The following FAM219A variants were observed in gnomAD, a reference collection of about 807,000 sequenced individuals.
FAM219A encodes family with sequence similarity 219 member A.
In FAM219A, 7 loss-of-function variants were observed where a neutral mutation model predicts 23.4. The ratio of observed to expected loss-of-function variants is 0.30; its 90% CI spans 0.17 to 0.56. The LOEUF (loss-of-function observed/expected upper bound fraction) is 0.56, where lower values mean the gene tolerates loss of function less well. Ranked by LOEUF, FAM219A falls within the 20% of genes least tolerant of loss-of-function variation. The probability of loss-of-function intolerance (pLI) is 0.92; values close to 1 mark genes in which losing one functional copy is unlikely to be tolerated. For synonymous variants in FAM219A, 93 were observed against 99.0 expected, an observed-to-expected ratio of 0.94 and a Z score of 0.36; for missense variants, 166 against 246.9, an observed-to-expected ratio of 0.67 and a Z score of 2.20.
chr9:34,430,636 C>CAAAAAAAAA (rs757627612), intron 1 of FAM219A, among the ~76,000 whole-genome samples: 20 of 56,268 alleles, frequency 3.6e-4, no homozygotes, highest in African/African-American at 1.3e-3. Flanking sequence ...GACTCCGTCT[C>CAAAAAAAAA]AAAAAAAAAA....
At chr9:34,421,005 T>TGAGAGAGA (rs1413300702) in intron 1 of FAM219A, among the ~76,000 whole-genome samples, 100 of 41,468 alleles carry the variant, frequency 2.4e-3, no homozygotes, top group Middle Eastern at 0.015. Context: ...TGTGTGTGTG[T>TGAGAGAGA]GTGTGAGAGA....
rs757554867 is a variant in FAM219A, at chr9:34,400,739, C to T, written c.*225G>A. On this transcript the variant is annotated 3_prime_UTR_variant, in exon 6 of 6. Coordinates refer to ENST00000651358, the MANE Select transcript of FAM219A (RefSeq NM_001184940.2). ...AACTGAACAAACGGCCCCCACCCCT[C>T]CTCAGCTCCCGGGTGGAGAGAGACC... 4 of 439,052 alleles carry T rather than the reference C, an allele frequency of 9.1e-6. No individual in the cohort carries two copies. Among genetic ancestry groups the T allele is most frequent in the African/African-American group, 2.1e-5 (1 of 48,410 alleles). The allele number at this position is 439,052 out of a possible 1,614,324, so 27.2% of individuals were successfully genotyped here.
At chr9:34,407,694 T>C (rs1821687339) in intron 1 of FAM219A, among the ~76,000 whole-genome samples, 1 of 152,170 alleles carries the variant, frequency 6.6e-6, no homozygotes, top group South Asian at 2.1e-4. Context: ...TCCCTTGTCT[T>C]TGCATTTTAA....
chr9:34,437,648 C>T (rs148644415), intron 1 of FAM219A, among the ~76,000 whole-genome samples: 6 of 152,360 alleles, frequency 3.9e-5, no homozygotes, highest in Non-Finnish European at 7.3e-5. Context: ...GTCTCACTTT[C>T]CTTCTCTGTA....
intron 1 of FAM219A, among the ~76,000 whole-genome samples, chr9:34,440,992 C>G (rs574980445): frequency 3.9e-5 from 6 of 152,194 alleles, no homozygotes; most frequent in South Asian, 2.1e-4. Flanking sequence ...TTGAGCCTCT[C>G]GAGTAGCTGG....
chr9:34,426,337 AGT>A (rs995767941), intron 1 of FAM219A, among the ~76,000 whole-genome samples: 3 of 152,064 alleles, frequency 2.0e-5, no homozygotes, highest in Non-Finnish European at 4.4e-5. Context: ...GGCTAAGATG[AGT>A]TGTATCTTTA....
intron 1 of FAM219A, among the ~76,000 whole-genome samples, chr9:34,441,818 C>T (rs574645147): frequency 1.3e-5 from 2 of 152,288 alleles, no homozygotes; most frequent in South Asian, 4.1e-4. Context: ...CAGCCTCGAC[C>T]TCCTGGGCTC....
At chr9:34,416,269 G>GGGAGGGAA (rs1822020209) in intron 1 of FAM219A, among the ~76,000 whole-genome samples, 1 of 69,942 alleles carries the variant, frequency 1.4e-5, no homozygotes, top group East Asian at 4.8e-4. Flanking sequence ...GGGGGAGGGA[G>GGGAGGGAA]GGAGGGAAGG....
chr9:34,417,070 CCTT>C lies in FAM219A; in HGVS notation c.61-11109_61-11107del, dbSNP rs138380459. Among the ~76,000 whole-genome samples, 19,726 of 151,698 alleles carry C rather than the reference CCTT, an allele frequency of 0.13. 1,584 individuals are homozygous for C. The highest frequency in any genetic ancestry group is 0.18 in the Non-Finnish European group (12,149 of 67,854). ...CCCTTCCCTTTCCCCTTCCCCTTCT[CCTT>C]CTTCTTCTTTTTGGAGTCAGAGTCT... On this transcript the variant is annotated intron_variant, in intron 1 of 5. Transcript: ENST00000651358. This position sits in a 1 kb window ranked among gnomAD's most constrained non-coding sequence, Gnocchi z 4.1.
At chr9:34,444,739 T>A (rs1823311444) in intron 1 of FAM219A, among the ~76,000 whole-genome samples, 1 of 152,176 alleles carries the variant, frequency 6.6e-6, no homozygotes, top group Admixed American at 6.5e-5. Flanking sequence ...AAGAACAAAA[T>A]CCTTCTCATC....
intron 1 of FAM219A, among the ~76,000 whole-genome samples, chr9:34,414,827 C>A (rs1040601012): frequency 2.0e-5 from 3 of 152,218 alleles, no homozygotes; most frequent in South Asian, 2.1e-4. Flanking sequence ...TAAAAGAAGA[C>A]CCATTTCAAA....
chr9:34,449,004 A>ACC (rs68037854), intron 1 of FAM219A, among the ~76,000 whole-genome samples: 1 of 146,368 alleles, frequency 6.8e-6, no homozygotes, highest in East Asian at 2.1e-4. Flanking sequence ...GAAAAAAAAA[A>ACC]AAAACCTCAG....
intron 1 of FAM219A, among the ~76,000 whole-genome samples, chr9:34,415,014 CT>C (rs1821947483): frequency 6.6e-6 from 1 of 152,084 alleles, no homozygotes; most frequent in African/African-American, 2.4e-5. Flanking sequence ...TGCAGTGGTG[CT>C]GTCACAGCTC....
In FAM219A at chr9:34,400,851, G is replaced by T. The variant is rs2131919757; in HGVS notation, c.*113C>A. The T allele has an allele frequency of 8.9e-7, 1 of 1,125,012 alleles. No individual in the cohort carries two copies. Among genetic ancestry groups the T allele is most frequent in the Non-Finnish European group, 1.2e-6 (1 of 828,742 alleles). The allele number at this position is 1,125,012 out of a possible 1,614,324, so 69.7% of individuals were successfully genotyped here. On this transcript the variant is annotated 3_prime_UTR_variant, in exon 6 of 6. Coordinates refer to ENST00000651358, the MANE Select transcript of FAM219A (RefSeq NM_001184940.2). ...CAATGACTGTTATACGAGGTTGGCG[G>T]CTGTAGGGGCGCGGGGCCGGGGGCA...
At chr9:34,424,172 G>C (rs772836196) in intron 1 of FAM219A, among the ~76,000 whole-genome samples, 2 of 152,156 alleles carry the variant, frequency 1.3e-5, no homozygotes, top group Non-Finnish European at 2.9e-5. Flanking sequence ...CGGAGTCCTA[G>C]AGGGGCTCTT....
intron 1 of FAM219A, among the ~76,000 whole-genome samples, chr9:34,428,752 C>A (rs1233418037): frequency 6.6e-6 from 1 of 152,214 alleles, no homozygotes; most frequent in African/African-American, 2.4e-5. Flanking sequence ...TCCACTTGAA[C>A]AAAACCCAAC....
intron 4 of FAM219A, 35 bp downstream of exon 4, chr9:34,402,352 G>A: frequency 6.2e-7 from 1 of 1,614,118 alleles, no homozygotes; most frequent in South Asian, 1.1e-5. Flanking sequence ...AGGTTCCTTT[G>A]GGCTGCCCAG....
intron 1 of FAM219A, among the ~76,000 whole-genome samples, chr9:34,429,367 T>A (rs1588055405): frequency 1.3e-5 from 2 of 152,112 alleles, no homozygotes; most frequent in Admixed American, 1.3e-4. Flanking sequence ...AGGAACAGGG[T>A]CCTGAGTGTT....
At chr9:34,443,474 C>A (rs550367077) in intron 1 of FAM219A, among the ~76,000 whole-genome samples, 1 of 152,294 alleles carries the variant, frequency 6.6e-6, no homozygotes, top group East Asian at 1.9e-4. Flanking sequence ...AGAAGAATAA[C>A]CCATCTCCTC....
Sources: allele counts gnomAD v4.1 joint callset (sites outside exome capture counted in the v4.1 genomes callset), GRCh38; gene constraint gnomAD v4.1.1; non-coding constraint Gnocchi (gnomAD v3.1); transcripts MANE v1.5; gene names NCBI Gene and HGNC (gene_info 2026-07-23, HGNC 2026-07-21).